KCNMB4: variants seen among roughly 807,000 people sequenced by gnomAD.
The protein encoded by KCNMB4 is calcium-activated potassium channel subunit beta-4.
Under a neutral mutation model 20.7 loss-of-function variants are expected in KCNMB4, and 3 were observed. The ratio of observed to expected loss-of-function variants is 0.14; its 90% CI spans 0.07 to 0.37. KCNMB4 has a LOEUF of 0.37. KCNMB4 is among the 10% of genes least tolerant of loss of function. The pLI is 1.00. For missense variants in KCNMB4, 168 were observed against 265.9 expected, an observed-to-expected ratio of 0.63 and a Z score of 2.56; for synonymous variants, 110 against 113.4, an observed-to-expected ratio of 0.97 and a Z score of 0.19.
intron 2 of KCNMB4, among the ~76,000 whole-genome samples, chr12:70,401,711 A>G (rs1041679939): frequency 2.0e-5 from 3 of 148,944 alleles, no homozygotes; most frequent in Admixed American, 6.8e-5. Context: ...AAATAGCTGC[A>G]TGGTTCAAGA....
chr12:70,409,378 T>C (rs1868704375), intron 2 of KCNMB4, among the ~76,000 whole-genome samples: 1 of 152,346 alleles, frequency 6.6e-6, no homozygotes, highest in South Asian at 2.1e-4. Flanking sequence ...TTTGCTTTGT[T>C]TAAGCCTCCT....
chr12:70,377,702 G>A (rs535493675), intron 1 of KCNMB4, among the ~76,000 whole-genome samples: 1 of 152,286 alleles, frequency 6.6e-6, no homozygotes, highest in South Asian at 2.1e-4. Flanking sequence ...CAAAATTGGA[G>A]TCAGTCCTCT....
chr12:70,416,601 A>G (rs956604559), intron 2 of KCNMB4, among the ~76,000 whole-genome samples: 1 of 152,210 alleles, frequency 6.6e-6, no homozygotes, highest in Non-Finnish European at 1.5e-5. Flanking sequence ...TTCTCCAAAC[A>G]TATTTGTAAT....
intron 1 of KCNMB4, among the ~76,000 whole-genome samples, chr12:70,369,304 G>A (rs1883549904): frequency 6.6e-6 from 1 of 152,144 alleles, no homozygotes; most frequent in East Asian, 1.9e-4. Context: ...ATTCTTATAG[G>A]CAGTGTGATG....
chr12:70,417,804 A>G (rs1441166361), intron 2 of KCNMB4, among the ~76,000 whole-genome samples: 1 of 152,074 alleles, frequency 6.6e-6, no homozygotes, highest in Non-Finnish European at 1.5e-5. Context: ...ACATTTACTG[A>G]GCTCTCACTT....
At chr12:70,414,092 C>T (rs1192243084) in intron 2 of KCNMB4, among the ~76,000 whole-genome samples, 4 of 151,902 alleles carry the variant, frequency 2.6e-5, no homozygotes, top group South Asian at 2.1e-4. Flanking sequence ...ATTAGCCAGG[C>T]GTGGTGGTGC....
In KCNMB4 at chr12:70,378,153, A is replaced by C. The variant is rs371351513; in HGVS notation, c.336+11083A>C. Among the ~76,000 whole-genome samples the C allele has an allele frequency of 6.6e-4, 100 of 152,070 alleles. 1 individual carries two copies. The highest frequency in any genetic ancestry group is 2.4e-3 in the African/African-American group (98 of 41,464). ...GTATTGGTAGTAGAGACAGGGTTTC[A>C]TCATGTTGGTCAGGCTGGTCTCAAA... is the stretch of plus-strand genomic sequence containing the variant. On this transcript the variant is annotated intron_variant, in intron 1 of 2. Coordinates refer to ENST00000258111, the MANE Select transcript of KCNMB4 (RefSeq NM_014505.6).
chr12:70,386,309 A>G (rs1339689378), intron 1 of KCNMB4, among the ~76,000 whole-genome samples: 1 of 152,136 alleles, frequency 6.6e-6, no homozygotes, highest in Non-Finnish European at 1.5e-5. Flanking sequence ...GTCTAATTAT[A>G]TAAATTTTCA....
chr12:70,393,620 A>G (rs1868322302), intron 1 of KCNMB4, among the ~76,000 whole-genome samples: 1 of 152,248 alleles, frequency 6.6e-6, no homozygotes, highest in African/African-American at 2.4e-5. Flanking sequence ...GCAGAAGTTA[A>G]GTGAATATTA....
At chr12:70,399,183 G>A in intron 1 of KCNMB4, among the ~76,000 whole-genome samples, 1 of 152,218 alleles carries the variant, frequency 6.6e-6, no homozygotes, top group African/African-American at 2.4e-5. Context: ...AAAATAGTGA[G>A]AAGGTGTTGA....
chr12:70,391,547 C>A (rs1193919264), intron 1 of KCNMB4, among the ~76,000 whole-genome samples: 2 of 152,146 alleles, frequency 1.3e-5, no homozygotes, highest in African/African-American at 4.8e-5. Flanking sequence ...TTCAAGCAGT[C>A]CCCCTGCCTT....
chr12:70,370,465 G>T (rs143604190), intron 1 of KCNMB4, among the ~76,000 whole-genome samples: 1,687 of 151,670 alleles, frequency 0.011, 31 homozygotes, highest in African/African-American at 0.038. Context: ...CCACCACCAC[G>T]CCTGGCTAAT....
intron 2 of KCNMB4, among the ~76,000 whole-genome samples, chr12:70,409,443 GA>G (rs1341617082): frequency 2.0e-5 from 3 of 152,096 alleles, no homozygotes; most frequent in African/African-American, 7.2e-5. Context: ...TTATCTATAG[GA>G]TAAAGGCCAT....
At chr12:70,403,419 G>C (rs969402097) in intron 2 of KCNMB4, among the ~76,000 whole-genome samples, 3 of 152,056 alleles carry the variant, frequency 2.0e-5, no homozygotes, top group Non-Finnish European at 4.4e-5. Context: ...TGCAACCTCT[G>C]CCTCTCAGGT....
intron 2 of KCNMB4, among the ~76,000 whole-genome samples, chr12:70,424,442 G>GAAAA (rs35459349): frequency 3.7e-5 from 5 of 135,752 alleles, no homozygotes; most frequent in Admixed American, 7.4e-5. Context: ...CTCCATCTCA[G>GAAAA]AAAAAAAAAA....
chr12:70,390,925 C>G (rs990847905), intron 1 of KCNMB4, among the ~76,000 whole-genome samples: 3 of 152,186 alleles, frequency 2.0e-5, no homozygotes, highest in Admixed American at 1.3e-4. Flanking sequence ...CAATACTATT[C>G]TGAATATCTG....
In KCNMB4 at chr12:70,428,151, A is replaced by C. The variant is rs1054963835; in HGVS notation, c.465-2334A>C. 2.6e-5 allele frequency among the ~76,000 whole-genome samples: 4 copies of C among 151,868 alleles called. No individual in the cohort carries two copies. In the East Asian group the frequency reaches 7.7e-4, roughly 29 times the overall value. On this transcript the variant is annotated intron_variant, in intron 2 of 2. Transcript: ENST00000258111. ...TCCCACCTCAGCCTCCCAAATAACTAGGTCTACAGGCATGTAGTTTTTTGT... is the reference window on the plus strand; with the variant it reads ...TCCCACCTCAGCCTCCCAAATAACTCGGTCTACAGGCATGTAGTTTTTTGT...
At chr12:70,372,124 G>C (rs1371873806) in intron 1 of KCNMB4, among the ~76,000 whole-genome samples, 1 of 152,132 alleles carries the variant, frequency 6.6e-6, no homozygotes, top group Admixed American at 6.5e-5. Context: ...TGAGGAAATA[G>C]CACATGCAAA....
intron 1 of KCNMB4, among the ~76,000 whole-genome samples, chr12:70,396,209 A>T (rs1868349262): frequency 6.6e-6 from 1 of 152,204 alleles, no homozygotes; most frequent in Non-Finnish European, 1.5e-5. Context: ...AAGAGAGAAG[A>T]CTAGGAATCC....
Sources: gnomAD v4.1 joint callset for allele counts (sites outside exome capture counted in the v4.1 genomes callset) on GRCh38, gnomAD v4.1.1 for gene constraint, MANE v1.5 for transcripts, NCBI Gene and HGNC (gene_info 2026-07-23, HGNC 2026-07-21) for gene names.